The following TMEM232 variants were observed in gnomAD, a reference collection of about 807,000 sequenced individuals.
TMEM232 encodes the protein transmembrane protein 232.
Under a neutral mutation model 78.8 loss-of-function variants are expected in TMEM232, and 80 were observed. That is an observed-to-expected ratio of 1.01 (90% CI 0.85 to 1.22). The LOEUF is 1.22. Among genes scored for constraint, TMEM232 ranks in the 50% most tolerant of loss-of-function variants. The probability of loss-of-function intolerance (pLI) is 0.00; values close to 1 mark genes in which losing one functional copy is unlikely to be tolerated. For missense variants in TMEM232, 881 were observed against 742.2 expected (o/e 1.19, Z -2.17); for synonymous variants, 297 against 254.3 (o/e 1.17, Z -1.60).
In TMEM232 at chr5:110,606,208, C is replaced by T. The variant is rs370146570; in HGVS notation, c.982G>A (p.Val328Ile). ...NMACLKALMDVVRDFVSSIMS... is the reference protein window; with the variant it reads ...NMACLKALMDIVRDFVSSIMS... ...ATGCTTGAAACAAAATCTCTCACTA[C>T]GTCCATTAAAGCTTTCAAGCAGGCC... Residue 328 changes from valine (V) to isoleucine (I), a missense_variant, in exon 9 of 14, where the codon GTA (valine) becomes ATA (isoleucine). Physicochemically the swap from Val to Ile is conservative, Grantham distance 29. Transcript: ENST00000455884. 68 of 1,548,510 alleles carry T rather than the reference C, an allele frequency of 4.4e-5. No individual in the cohort carries two copies. In the East Asian group the frequency reaches 4.9e-4, roughly 11 times the overall value.
intron 11 of TMEM232, among the ~76,000 whole-genome samples, chr5:110,559,420 G>T (rs1050430934): frequency 1.3e-5 from 2 of 151,872 alleles, no homozygotes; most frequent in African/African-American, 4.8e-5. Context: ...AAAAGTAGAA[G>T]AAAATATTTT....
chr5:110,391,318 T>TGAGAGAGAGAGAGA (rs1361880347), intron 3 of TMEM232, among the ~76,000 whole-genome samples: 3 of 137,182 alleles, frequency 2.2e-5, no homozygotes, highest in African/African-American at 9.7e-5. Flanking sequence ...TGTGTGTGTG[T>TGAGAGAGAGAGAGA]GTGTGTGTGA....
In TMEM232 at chr5:110,481,728, A is replaced by G. The variant is rs545683044; in HGVS notation, c.1703+46860T>C. The stretch of plus-strand genomic sequence containing the variant: ...ACTTAGAGCTAGTGTTTGAGACAAG[A>G]GTAGACTTTGAAGCAAACATTTGGG... On this transcript the variant is annotated intron_variant, in intron 12 of 13. Coordinates refer to ENST00000455884, the MANE Select transcript of TMEM232 (RefSeq NM_001039763.4). 2.5e-3 allele frequency among the ~76,000 whole-genome samples: 375 copies of G among 152,334 alleles called. 3 individuals carry two copies. The highest frequency in any genetic ancestry group is 3.1e-3 in the Non-Finnish European group (211 of 68,026).
intron 1 of TMEM232, among the ~76,000 whole-genome samples, chr5:110,719,149 GT>G (rs1350040637): frequency 6.6e-6 from 1 of 151,538 alleles, no homozygotes; most frequent in Non-Finnish European, 1.5e-5. Context: ...ATACTATGAA[GT>G]ACATGACTGC....
intron 1 of TMEM232, among the ~76,000 whole-genome samples, chr5:110,691,111 T>C (rs1794064311): frequency 6.7e-6 from 1 of 149,542 alleles, no homozygotes; most frequent in Non-Finnish European, 1.5e-5. Flanking sequence ...AACCCACATG[T>C]TCTGCACATG....
intron 12 of TMEM232, among the ~76,000 whole-genome samples, chr5:110,508,722 A>G (rs1369104030): frequency 6.6e-6 from 1 of 150,438 alleles, no homozygotes; most frequent in African/African-American, 2.4e-5. Flanking sequence ...TTCACGAATG[A>G]AAAGGAAGTA....
At chr5:110,441,195 T>G (rs1759001151) in intron 12 of TMEM232, among the ~76,000 whole-genome samples, 1 of 152,126 alleles carries the variant, frequency 6.6e-6, no homozygotes, top group African/African-American at 2.4e-5. Context: ...GTCCTGTACC[T>G]TGTGAGACAT....
At chr5:110,415,497 T>A (rs1756169405), downstream of TMEM232, among the ~76,000 whole-genome samples, 4 of 151,830 alleles carry the variant, frequency 2.6e-5, no homozygotes, top group Admixed American at 2.6e-4. Context: ...CCAACTTTTT[T>A]TTTTTACCCT....
At chr5:110,633,226 A>G (rs778644503) in intron 5 of TMEM232, among the ~76,000 whole-genome samples, 8 of 152,236 alleles carry the variant, frequency 5.3e-5, no homozygotes, top group Non-Finnish European at 1.0e-4. Context: ...GCTTACAAAA[A>G]ATGTTCAAGG....
At position 110,606,158 on chromosome 5, in the gene TMEM232, T is replaced by C. The variant is rs907985427; in HGVS notation, c.1026+6A>G. 2.0e-6 allele frequency: 3 copies of C among 1,533,664 alleles called. No homozygotes were observed. The highest frequency in any genetic ancestry group is 2.6e-6 in the Non-Finnish European group (3 of 1,136,522). On this transcript the variant is annotated splice_donor_region_variant and intron_variant, in intron 9 of 13. Transcript: ENST00000455884. ...TCTCTTTTCACATATAAATTAGCAATGTTACCTGATTTTGAACAGACATAA... is the reference window on the plus strand; with the variant it reads ...TCTCTTTTCACATATAAATTAGCAACGTTACCTGATTTTGAACAGACATAA...
At chr5:110,722,866 G>A (rs1463883020) in intron 1 of TMEM232, among the ~76,000 whole-genome samples, 2 of 152,182 alleles carry the variant, frequency 1.3e-5, no homozygotes, top group Non-Finnish European at 2.9e-5. Context: ...AGCAGAAGTA[G>A]ACACAGAGTT....
chr5:110,562,220 C>T (rs1775832696), intron 11 of TMEM232, among the ~76,000 whole-genome samples: 1 of 152,084 alleles, frequency 6.6e-6, no homozygotes, highest in African/African-American at 2.4e-5. Flanking sequence ...TCTCTGTTTC[C>T]ATGAAACCAC....
intron 12 of TMEM232, among the ~76,000 whole-genome samples, chr5:110,505,520 T>G (rs1766777904): frequency 6.6e-6 from 1 of 152,196 alleles, no homozygotes; most frequent in African/African-American, 2.4e-5. Context: ...TCCTTTTTTC[T>G]TTTTGAAACA....
intron 2 of TMEM232, among the ~76,000 whole-genome samples, chr5:110,666,039 T>C (rs1353779680): frequency 6.6e-6 from 1 of 152,062 alleles, no homozygotes; most frequent in African/African-American, 2.4e-5. Context: ...TAATAAGCTA[T>C]AATCACGCCA....
At chr5:110,405,357 C>T (rs969906944) in intron 2 of TMEM232, among the ~76,000 whole-genome samples, 1 of 151,844 alleles carries the variant, frequency 6.6e-6, no homozygotes, top group Non-Finnish European at 1.5e-5. Flanking sequence ...TTATTTTATA[C>T]ACCATATTCA....
intron 10 of TMEM232, among the ~76,000 whole-genome samples, chr5:110,591,159 A>G (rs149836428): frequency 0.034 from 5,169 of 152,300 alleles, 133 homozygotes; most frequent in African/African-American, 0.065. Context: ...AAAATGGTCC[A>G]TAAGAACATT....
intron 13 of TMEM232, among the ~76,000 whole-genome samples, chr5:110,423,339 T>C (rs1401461159): frequency 2.0e-5 from 3 of 152,216 alleles, no homozygotes; most frequent in Non-Finnish European, 2.9e-5. Flanking sequence ...AAATGATTTA[T>C]AGGGTTGTGA....
intron 12 of TMEM232, among the ~76,000 whole-genome samples, chr5:110,511,462 A>C (rs548828395): frequency 9.2e-5 from 14 of 152,052 alleles, no homozygotes; most frequent in Non-Finnish European, 1.9e-4. Flanking sequence ...AAAGAAAAAG[A>C]AAAATGATAT....
At chr5:110,450,207 T>C (rs1354798637) in intron 12 of TMEM232, among the ~76,000 whole-genome samples, 1 of 152,154 alleles carries the variant, frequency 6.6e-6, no homozygotes, top group South Asian at 2.1e-4. Context: ...GAACTGTGAG[T>C]CAATTAATCC....
Sources: allele counts gnomAD v4.1 joint callset (sites outside exome capture counted in the v4.1 genomes callset), GRCh38; gene constraint gnomAD v4.1.1; transcripts MANE v1.5; gene names NCBI Gene and HGNC (gene_info 2026-07-23, HGNC 2026-07-21).